The following SPTLC1 variants were observed in gnomAD, a reference collection of about 807,000 sequenced individuals.
The protein encoded by SPTLC1 is serine palmitoyltransferase 1.
Under a neutral mutation model 68.9 loss-of-function variants are expected in SPTLC1, and 55 were observed. The observed-to-expected ratio is 0.80, with a 90% CI of 0.64 to 1.00. SPTLC1 has a LOEUF of 1.00. Among genes scored for constraint, SPTLC1 ranks in the 50% least tolerant of loss-of-function variants. The probability of loss-of-function intolerance (pLI) is 0.00; values close to 1 mark genes in which losing one functional copy is unlikely to be tolerated. For missense variants in SPTLC1, 449 were observed against 573.1 expected, an observed-to-expected ratio of 0.78 and a Z score of 2.21; for synonymous variants, 197 against 201.6, an observed-to-expected ratio of 0.98 and a Z score of 0.19.
intron 5 of SPTLC1, among the ~76,000 whole-genome samples, chr9:92,068,407 G>C (rs1015941777): frequency 1.3e-5 from 2 of 152,210 alleles, no homozygotes; most frequent in African/African-American, 2.4e-5. Flanking sequence ...AAGTTTCCCT[G>C]CATTAACTGT....
At chr9:92,097,753 T>C (rs1372836329) in intron 3 of SPTLC1, among the ~76,000 whole-genome samples, 2 of 152,216 alleles carry the variant, frequency 1.3e-5, no homozygotes, top group Non-Finnish European at 2.9e-5. Flanking sequence ...GTGATAGTTG[T>C]ATAACTCTGG....
intron 9 of SPTLC1, among the ~76,000 whole-genome samples, chr9:92,049,685 AAG>A (rs1833641794): frequency 6.6e-6 from 1 of 152,214 alleles, no homozygotes; most frequent in Non-Finnish European, 1.5e-5. Context: ...ATTTCTAGAG[AAG>A]AGACACTAAA....
chr9:92,091,967 G>A (rs1403667276), intron 3 of SPTLC1, among the ~76,000 whole-genome samples: 1 of 152,136 alleles, frequency 6.6e-6, no homozygotes, highest in Non-Finnish European at 1.5e-5. Context: ...TAAAAATGCT[G>A]AGCCCACATA....
At chr9:92,087,190 T>G (rs1222893602) in intron 3 of SPTLC1, among the ~76,000 whole-genome samples, 1 of 152,224 alleles carries the variant, frequency 6.6e-6, no homozygotes, top group Non-Finnish European at 1.5e-5. Flanking sequence ...TGGTTTGAAT[T>G]TCCTCCTGTA....
chr9:92,040,558 G>A (rs1833308969), intron 12 of SPTLC1, among the ~76,000 whole-genome samples: 1 of 151,826 alleles, frequency 6.6e-6, no homozygotes, highest in South Asian at 2.1e-4. Context: ...AGGAGTTCAA[G>A]ACCAGCCTGA....
intron 2 of SPTLC1, chr9:92,109,498 C>T (rs1423654991): frequency 6.5e-6 from 1 of 152,824 alleles, no homozygotes; most frequent in Non-Finnish European, 1.5e-5. Flanking sequence ...TCAAGCACTA[C>T]TTACCACAAT....
In SPTLC1 at chr9:92,032,581, A is replaced by C. The variant is rs574766021; in HGVS notation, c.1329-23T>G. On this transcript the variant is annotated intron_variant, in intron 14 of 14. Transcript: ENST00000262554. Reference sequence around the variant, plus strand: ...ATGCTGAGAACAGTAAAGGACACAAAGAATTATCTTTGTGGGCCAGGCGCA... The same window carrying C: ...ATGCTGAGAACAGTAAAGGACACAACGAATTATCTTTGTGGGCCAGGCGCA... 1.2e-5 allele frequency: 19 copies of C among 1,613,326 alleles called. No individual in the cohort carries two copies. In the African/African-American group the frequency reaches 2.3e-4, roughly 19 times the overall value.
chr9:92,094,981 T>C (rs1029511445), intron 3 of SPTLC1, among the ~76,000 whole-genome samples: 1 of 152,192 alleles, frequency 6.6e-6, no homozygotes, highest in African/African-American at 2.4e-5. Context: ...TCATCCCCAC[T>C]TCAAAGATTT....
intron 1 of SPTLC1, 146 bp downstream of exon 1, chr9:92,115,168 T>A: frequency 7.3e-6 from 4 of 547,726 alleles, no homozygotes; most frequent in South Asian, 6.0e-5. Flanking sequence ...GACTAGAAGC[T>A]CCCGGCAGTC....
chr9:92,089,261 A>C (rs1354225918), intron 3 of SPTLC1, among the ~76,000 whole-genome samples: 2 of 152,120 alleles, frequency 1.3e-5, no homozygotes, highest in African/African-American at 4.8e-5. Context: ...TAATACAAAA[A>C]AATAAGCTAG....
intron 12 of SPTLC1, among the ~76,000 whole-genome samples, chr9:92,042,160 A>G (rs1372611275): frequency 1.3e-5 from 2 of 152,188 alleles, no homozygotes. Context: ...ACTCACCAAA[A>G]ACCCATAGCA....
chr9:92,081,017 TCATATTA>T (rs1276042137), intron 3 of SPTLC1, 54 bp from the exon 4 acceptor site: 1 of 1,340,272 alleles, frequency 7.5e-7, no homozygotes, highest in African/African-American at 1.4e-5. Context: ...TTACATGCTA[TCATATTA>T]CCTTGGTGGT....
At chr9:92,070,568 C>T (rs1003667018) in intron 5 of SPTLC1, among the ~76,000 whole-genome samples, 2 of 152,152 alleles carry the variant, frequency 1.3e-5, no homozygotes, top group Non-Finnish European at 1.5e-5. Context: ...TGTCTGGCTC[C>T]CTCACCAGAA....
chr9:92,063,567 G>A (rs776354969), intron 6 of SPTLC1, among the ~76,000 whole-genome samples: 25 of 151,894 alleles, frequency 1.6e-4, no homozygotes, highest in Non-Finnish European at 2.6e-4. Flanking sequence ...GTGTATTATA[G>A]GACAATCTCC....
At position 92,059,242 on chromosome 9, in the gene SPTLC1, A is replaced by T; in HGVS notation, c.627T>A (p.Phe209Leu). The T allele has an allele frequency of 6.2e-7, 1 of 1,613,928 alleles. No homozygotes were observed. Among genetic ancestry groups the T allele is most frequent in the Non-Finnish European group, 8.5e-7 (1 of 1,179,890 alleles). ...CGAGGTCAGCCATGTCATTATGCTT[A>T]AATAACTTAATGTCACTACGGGATG... is the stretch of plus-strand genomic sequence containing the variant. ...LQASRSDIKL[F>L]KHNDMADLER... The change falls in exon 7 of 15, where the codon TTT becomes TTA. Residue 209 changes from phenylalanine (F) to leucine (L), a missense_variant. By Grantham distance (22) the Phe-to-Leu change is conservative. Coordinates refer to ENST00000262554, the MANE Select transcript of SPTLC1 (RefSeq NM_006415.4).
At chr9:92,055,836 G>T (rs1036725735) in intron 7 of SPTLC1, among the ~76,000 whole-genome samples, 1 of 152,160 alleles carries the variant, frequency 6.6e-6, no homozygotes. Context: ...CATCATAATG[G>T]GGCTGACATT....
At chr9:92,103,302 T>C (rs1652934241) in intron 3 of SPTLC1, among the ~76,000 whole-genome samples, 1 of 152,232 alleles carries the variant, frequency 6.6e-6, no homozygotes, top group African/African-American at 2.4e-5. Context: ...TACATCTTTG[T>C]AGAAGACTGG....
intron 12 of SPTLC1, among the ~76,000 whole-genome samples, chr9:92,043,436 C>T (rs1833414692): frequency 6.6e-6 from 1 of 152,224 alleles, no homozygotes; most frequent in South Asian, 2.1e-4. Context: ...CCAGCTGCTG[C>T]TCTGCACTCC....
intron 3 of SPTLC1, among the ~76,000 whole-genome samples, chr9:92,101,918 C>T (rs547535517): frequency 2.6e-5 from 4 of 151,876 alleles, no homozygotes; most frequent in African/African-American, 7.3e-5. Context: ...GGGAGAGATA[C>T]GGACATCCAG....
Sources: allele counts gnomAD v4.1 joint callset (sites outside exome capture counted in the v4.1 genomes callset), GRCh38; gene constraint gnomAD v4.1.1; transcripts MANE v1.5; gene names NCBI Gene and HGNC (gene_info 2026-07-23, HGNC 2026-07-21).